The following RAD51B variants were observed in gnomAD, a reference collection of about 807,000 sequenced individuals.
RAD51B encodes RAD51 paralog B.
In RAD51B, 38 loss-of-function variants were observed where a neutral mutation model predicts 42.2. That is an observed-to-expected ratio of 0.90 (90% CI 0.70 to 1.18). The LOEUF (loss-of-function observed/expected upper bound fraction) is 1.18, where lower values mean the gene tolerates loss of function less well. Among genes scored for constraint, RAD51B ranks in the 50% most tolerant of loss-of-function variants. The probability of loss-of-function intolerance (pLI) is 0.00; values close to 1 mark genes in which losing one functional copy is unlikely to be tolerated. For synonymous variants in RAD51B, 154 were observed against 145.2 expected (o/e 1.06, Z -0.43); for missense variants, 373 against 400.7 (o/e 0.93, Z 0.59).
chr14:68,053,360 CA>C (rs1384817539), intron 7 of RAD51B, among the ~76,000 whole-genome samples: 1 of 152,118 alleles, frequency 6.6e-6, no homozygotes, highest in Non-Finnish European at 1.5e-5. Context: ...ATAAGTTGTC[CA>C]GGTGTCTTTG....
At chr14:67,976,999 A>C (rs1256232946) in intron 7 of RAD51B, among the ~76,000 whole-genome samples, 1 of 152,242 alleles carries the variant, frequency 6.6e-6, no homozygotes, top group Non-Finnish European at 1.5e-5. Context: ...AGAAATGCAA[A>C]TCAAAACCAC....
chr14:68,140,312 C>T (rs1448420461), intron 7 of RAD51B, among the ~76,000 whole-genome samples: 1 of 152,160 alleles, frequency 6.6e-6, no homozygotes, highest in Non-Finnish European at 1.5e-5. Context: ...TCCTGCAACT[C>T]AGCTGGTGTG....
At chr14:68,019,513 TA>T (rs1217854954) in intron 7 of RAD51B, among the ~76,000 whole-genome samples, 1 of 152,154 alleles carries the variant, frequency 6.6e-6, no homozygotes, top group Non-Finnish European at 1.5e-5. Context: ...TGGGTCCAAT[TA>T]TATGTAGATT....
chr14:67,851,771 A>T (rs2041815600), intron 4 of RAD51B, among the ~76,000 whole-genome samples: 1 of 152,114 alleles, frequency 6.6e-6, no homozygotes, highest in South Asian at 2.1e-4. Flanking sequence ...TGGGTACTGC[A>T]GCAGCTGCAG....
chr14:68,096,089 C>T (rs2077190048), intron 7 of RAD51B, among the ~76,000 whole-genome samples: 1 of 151,944 alleles, frequency 6.6e-6, no homozygotes, highest in Non-Finnish European at 1.5e-5. Flanking sequence ...ACTCTAAAGC[C>T]CATCTTTTTC....
intron 10 of RAD51B, among the ~76,000 whole-genome samples, chr14:68,625,412 C>G (rs555590552): frequency 6.6e-6 from 1 of 152,324 alleles, no homozygotes; most frequent in East Asian, 1.9e-4. Flanking sequence ...TGCCCTCATC[C>G]TGCTTTTCTC....
intron 9 of RAD51B, among the ~76,000 whole-genome samples, chr14:68,439,237 G>A (rs2085224506): frequency 6.6e-6 from 1 of 151,898 alleles, no homozygotes; most frequent in South Asian, 2.1e-4. Context: ...GTCCCAGGCA[G>A]TGACATTAGT....
At chr14:68,525,018 G>A (rs1886830303) in intron 10 of RAD51B, among the ~76,000 whole-genome samples, 1 of 146,566 alleles carries the variant, frequency 6.8e-6, no homozygotes. Flanking sequence ...TGGTGAGGGA[G>A]AATTAAGGAA....
chr14:68,556,238 C>G (rs1888836829), intron 10 of RAD51B, among the ~76,000 whole-genome samples: 1 of 152,188 alleles, frequency 6.6e-6, no homozygotes, highest in Non-Finnish European at 1.5e-5. Context: ...GGACAGACCT[C>G]AAACGTGAAA....
chr14:67,977,021 A>G (rs2075008981), intron 7 of RAD51B, among the ~76,000 whole-genome samples: 1 of 152,212 alleles, frequency 6.6e-6, no homozygotes, highest in Non-Finnish European at 1.5e-5. Flanking sequence ...ATGAGATACC[A>G]TCTCACACCA....
chr14:67,984,474 A>G (rs2075149379), intron 7 of RAD51B, among the ~76,000 whole-genome samples: 1 of 152,162 alleles, frequency 6.6e-6, no homozygotes, highest in Non-Finnish European at 1.5e-5. Flanking sequence ...TTTATATTCA[A>G]GACCTTTCAC....
intron 10 of RAD51B, among the ~76,000 whole-genome samples, chr14:68,566,390 G>A (rs900584337): frequency 6.6e-6 from 1 of 152,226 alleles, no homozygotes; most frequent in African/African-American, 2.4e-5. Context: ...CCCTTTGTTA[G>A]TAATTAGAAG....
At chr14:68,303,002 G>A (rs1375475314) in intron 8 of RAD51B, among the ~76,000 whole-genome samples, 1 of 152,190 alleles carries the variant, frequency 6.6e-6, no homozygotes, top group Non-Finnish European at 1.5e-5. Context: ...CAAGATTTTG[G>A]GGGGCTTGCT....
intron 9 of RAD51B, among the ~76,000 whole-genome samples, chr14:68,457,928 A>T (rs1417363328): frequency 1.3e-5 from 2 of 149,034 alleles, no homozygotes; most frequent in East Asian, 3.9e-4. Context: ...AATTATTAAC[A>T]CTTTCAAACC....
rs540706601 is a variant in RAD51B at position 68,018,033 on chromosome 14, G to T, written c.756+130829G>T. 2.9e-3 allele frequency among the ~76,000 whole-genome samples: 448 copies of T among 152,086 alleles called. 1 individual carries two copies. The highest frequency in any genetic ancestry group is 5.2e-3 in the Non-Finnish European group (353 of 67,992). Reference sequence around the variant, plus strand: ...TGCAGAATTACCTATTTAAAAAGCTGCTTAGTAGTTAAGTAGCTGATTGTC... The same window carrying T: ...TGCAGAATTACCTATTTAAAAAGCTTCTTAGTAGTTAAGTAGCTGATTGTC... On this transcript the variant is annotated intron_variant, in intron 7 of 10. Transcript: ENST00000471583.
intron 10 of RAD51B, among the ~76,000 whole-genome samples, chr14:68,528,068 C>T (rs1029798325): frequency 6.6e-5 from 10 of 152,158 alleles, no homozygotes; most frequent in Admixed American, 3.3e-4. Context: ...CCATCTAAAA[C>T]CACAGTCGTC....
chr14:68,263,294 T>A (rs1468644969), intron 7 of RAD51B, among the ~76,000 whole-genome samples: 1 of 152,216 alleles, frequency 6.6e-6, no homozygotes, highest in Non-Finnish European at 1.5e-5. Flanking sequence ...CTGTTACATA[T>A]GACAAAAACT....
intron 7 of RAD51B, among the ~76,000 whole-genome samples, chr14:67,918,539 G>A (rs1248475876): frequency 6.6e-6 from 1 of 152,142 alleles, no homozygotes; most frequent in Non-Finnish European, 1.5e-5. Flanking sequence ...TCAGCTAAGG[G>A]AAATAATTAT....
In RAD51B at chr14:68,261,115, C is replaced by CGAAGA. The variant is rs2080879393; in HGVS notation, c.757-30769_757-30768insGAAGA. Among the ~76,000 whole-genome samples, 4 of 152,342 alleles carry CGAAGA rather than the reference C, an allele frequency of 2.6e-5. No homozygotes were observed. The South Asian group carries it at 8.3e-4, about 32-fold the overall frequency. ...GCAATTGGTCACGAAGACCCTTGCACCTCCTCAAGGCTGTGTGCTGTGGAT... is the reference window on the plus strand; with the variant it reads ...GCAATTGGTCACGAAGACCCTTGCACGAAGACTCCTCAAGGCTGTGTGCTGTGGAT... On this transcript the variant is annotated intron_variant, in intron 7 of 10. Transcript: ENST00000471583.
Sources: allele counts gnomAD v4.1 joint callset (sites outside exome capture counted in the v4.1 genomes callset), GRCh38; gene constraint gnomAD v4.1.1; transcripts MANE v1.5; gene names NCBI Gene and HGNC (gene_info 2026-07-23, HGNC 2026-07-21).